Variants in GRID2 observed in about 807,000 individuals in gnomAD.
GRID2 encodes the protein glutamate receptor ionotropic, delta-2.
A neutral mutation model predicts 114.8 loss-of-function variants in GRID2; 33 were observed. The ratio of observed to expected loss-of-function variants is 0.29; its 90% CI spans 0.22 to 0.38. GRID2 has a LOEUF of 0.38. Ranked by LOEUF, GRID2 falls within the 10% of genes least tolerant of loss-of-function variation. The probability of loss-of-function intolerance (pLI) is 1.00; values close to 1 mark genes in which losing one functional copy is unlikely to be tolerated. For missense variants in GRID2, 1,184 were observed against 1,257.7 expected, an observed-to-expected ratio of 0.94 and a Z score of 0.89; for synonymous variants, 505 against 449.9, an observed-to-expected ratio of 1.12 and a Z score of -1.55.
At chr4:93,406,383 A>G (rs973037843) in intron 9 of GRID2, among the ~76,000 whole-genome samples, 5 of 152,160 alleles carry the variant, frequency 3.3e-5, no homozygotes, top group African/African-American at 1.2e-4. Flanking sequence ...TGAGTTTACG[A>G]AGTAGAGATC....
intron 1 of GRID2, among the ~76,000 whole-genome samples, chr4:92,427,945 A>G (rs1008458406): frequency 6.6e-6 from 1 of 152,158 alleles, no homozygotes; most frequent in Non-Finnish European, 1.5e-5. Context: ...TTTTGTTTTC[A>G]ATATTTGATT....
At chr4:92,318,332 C>A (rs1168378639) in intron 1 of GRID2, among the ~76,000 whole-genome samples, 1 of 110,230 alleles carries the variant, frequency 9.1e-6, no homozygotes, top group Non-Finnish European at 1.8e-5. Flanking sequence ...TTTTGGTAAG[C>A]AATATTATAT....
intron 2 of GRID2, among the ~76,000 whole-genome samples, chr4:92,935,227 C>T (rs1750569838): frequency 6.8e-6 from 1 of 146,668 alleles, no homozygotes; most frequent in South Asian, 2.3e-4. Flanking sequence ...GGGCAAAGGA[C>T]ATGAACAGAC....
chr4:93,016,083 G>T (rs1722680119), intron 2 of GRID2, among the ~76,000 whole-genome samples: 1 of 150,256 alleles, frequency 6.7e-6, no homozygotes, highest in Non-Finnish European at 1.5e-5. Flanking sequence ...GTGTGTGTGT[G>T]TTTAAATGTT....
intron 1 of GRID2, among the ~76,000 whole-genome samples, chr4:93,784,642 T>A (rs1450317857): frequency 1.7e-5 from 1 of 58,362 alleles, no homozygotes; most frequent in Non-Finnish European, 3.0e-5. Flanking sequence ...AGAGTCCTTT[T>A]TATACACACA....
intron 13 of GRID2, among the ~76,000 whole-genome samples, chr4:93,518,360 C>T (rs1210670111): frequency 6.6e-6 from 1 of 151,902 alleles, no homozygotes; most frequent in Non-Finnish European, 1.5e-5. Flanking sequence ...TAGCAAACTA[C>T]CCTAAGTAAA....
chr4:93,267,186 TTA>T (rs1491574441), intron 8 of GRID2, among the ~76,000 whole-genome samples: 4,884 of 75,502 alleles, frequency 0.065, 269 homozygotes, highest in African/African-American at 0.24. Flanking sequence ...TTTAATTTTA[TTA>T]TTTTTTTTAT....
intron 2 of GRID2, among the ~76,000 whole-genome samples, chr4:92,872,846 A>C (rs1321251843): frequency 6.6e-6 from 1 of 152,240 alleles, no homozygotes; most frequent in Non-Finnish European, 1.5e-5. Flanking sequence ...GAATATGCCT[A>C]AGGGCAGGAT....
At chr4:92,481,018 A>G (rs894338366) in intron 1 of GRID2, among the ~76,000 whole-genome samples, 2 of 152,126 alleles carry the variant, frequency 1.3e-5, no homozygotes, top group African/African-American at 4.8e-5. Context: ...CATGCTGACA[A>G]GGGTAGTAAG....
At chr4:92,866,577 T>C (rs904862798) in intron 2 of GRID2, among the ~76,000 whole-genome samples, 1 of 151,818 alleles carries the variant, frequency 6.6e-6, no homozygotes, top group Non-Finnish European at 1.5e-5. Context: ...GGAGGCTCAC[T>C]CTGTCACCCA....
chr4:92,950,287 AATCGAT>A (rs1393814586), intron 2 of GRID2, among the ~76,000 whole-genome samples: 6 of 152,178 alleles, frequency 3.9e-5, no homozygotes, highest in Non-Finnish European at 5.9e-5. Context: ...CCCTGACCTG[AATCGAT>A]CCTCTAACTG....
At chr4:92,642,399 G>A (rs768510239) in intron 2 of GRID2, among the ~76,000 whole-genome samples, 10 of 151,764 alleles carry the variant, frequency 6.6e-5, no homozygotes, top group Non-Finnish European at 1.5e-4. Flanking sequence ...GTGATGATAA[G>A]CATTTTTTCA....
At chr4:93,500,876 A>T (rs1728027668) in intron 12 of GRID2, among the ~76,000 whole-genome samples, 1 of 151,986 alleles carries the variant, frequency 6.6e-6, no homozygotes, top group African/African-American at 2.4e-5. Flanking sequence ...CAAATACTCA[A>T]ATATGTCCTT....
intron 2 of GRID2, among the ~76,000 whole-genome samples, chr4:92,784,294 C>T (rs1207313633): frequency 6.6e-6 from 1 of 151,798 alleles, no homozygotes; most frequent in East Asian, 1.9e-4. Context: ...AATGCATGTC[C>T]ATTTTTATTA....
At chr4:92,783,452 A>C (rs1284559531) in intron 2 of GRID2, among the ~76,000 whole-genome samples, 4 of 152,122 alleles carry the variant, frequency 2.6e-5, no homozygotes, top group Non-Finnish European at 4.4e-5. Context: ...GGTCATTAAA[A>C]TCCAATTAGT....
chr4:93,280,960 T>A (rs1043171165), intron 8 of GRID2, among the ~76,000 whole-genome samples: 4 of 151,748 alleles, frequency 2.6e-5, no homozygotes, highest in African/African-American at 9.7e-5. Context: ...TAAACAAAAA[T>A]CCCTACCCTG....
chr4:93,527,250 A>T (rs969363771), intron 13 of GRID2, among the ~76,000 whole-genome samples: 6 of 152,202 alleles, frequency 3.9e-5, no homozygotes, highest in African/African-American at 1.4e-4. Flanking sequence ...GCTTCTGATT[A>T]TAAATTCCTC....
In GRID2 at chr4:92,626,340, G is replaced by A. The variant is rs183156626; in HGVS notation, c.244+36054G>A. Among the ~76,000 whole-genome samples the A allele has an allele frequency of 1.3e-3, 201 of 152,068 alleles. 1 individual carries two copies. The highest frequency in any genetic ancestry group is 2.1e-3 in the South Asian group (10 of 4,824). Reference sequence around the variant, plus strand: ...AGCTTTTCATGGACCTTTGCAATGCGTATGGAAAAGAGATTTGGGCCCATG... The same window carrying A: ...AGCTTTTCATGGACCTTTGCAATGCATATGGAAAAGAGATTTGGGCCCATG... On this transcript the variant is annotated intron_variant, in intron 2 of 15. Transcript: ENST00000282020.
intron 14 of GRID2, among the ~76,000 whole-genome samples, chr4:93,694,860 A>G (rs371439845): frequency 1.3e-5 from 2 of 152,196 alleles, no homozygotes; most frequent in Non-Finnish European, 2.9e-5. Flanking sequence ...TAAACTCCAT[A>G]TATTTGTATC....
Sources: gnomAD v4.1 joint callset for allele counts (sites outside exome capture counted in the v4.1 genomes callset) on GRCh38, gnomAD v4.1.1 for gene constraint, MANE v1.5 for transcripts, NCBI Gene and HGNC (gene_info 2026-07-23, HGNC 2026-07-21) for gene names.